Variants in MAFK observed in about 807,000 individuals in gnomAD.
MAFK encodes the protein MAF bZIP transcription factor K.
In MAFK, 1 loss-of-function variant was observed where a neutral mutation model predicts 9.2. The observed-to-expected ratio is 0.11, with a 90% CI of 0.04 to 0.52. MAFK has a LOEUF of 0.52. Ranked by LOEUF, MAFK falls within the 20% of genes least tolerant of loss-of-function variation. The pLI, the probability that MAFK is intolerant of heterozygous loss-of-function variation, is 0.94. For missense variants in MAFK, 207 were observed against 236.0 expected, an observed-to-expected ratio of 0.88 and a Z score of 0.81; for synonymous variants, 110 against 107.4, an observed-to-expected ratio of 1.02 and a Z score of -0.15.
intron 1 of MAFK, chr7:1,538,184 A>G: frequency 1.2e-6 from 1 of 804,400 alleles, no homozygotes; most frequent in Non-Finnish European, 1.5e-6. Flanking sequence ...CGGAGGGCTC[A>G]TGCCGGGGAT....
chr7:1,540,020 A>G lies in MAFK; in HGVS notation c.116A>G (p.Gln39Arg). ...LVSMSVRELN[Q>R]HLRGLTKEEV... Reference sequence around the variant, plus strand: ...TCCATGTCGGTGCGGGAGCTGAACCAGCACCTGCGGGGTCTCACCAAGGAG... The same window carrying G: ...TCCATGTCGGTGCGGGAGCTGAACCGGCACCTGCGGGGTCTCACCAAGGAG... Residue 39 changes from glutamine (Q) to arginine (R), a missense_variant, in exon 3 of 3, where the codon CAG becomes CGG. By Grantham distance (43) the Gln-to-Arg change is conservative. Transcript: ENST00000343242. 6.4e-7 allele frequency: 1 copy of G among 1,559,004 alleles called. No homozygotes were observed.
chr7:1,539,276 A>G (rs749349521), intron 2 of MAFK, 48 bp downstream of exon 2: 4 of 1,518,454 alleles, frequency 2.6e-6, no homozygotes, highest in Admixed American at 1.8e-5. Flanking sequence ...GGCGTGGGAA[A>G]GGCCCCCGGC....
In MAFK at chr7:1,539,181, C is replaced by T. The variant is rs200202267; in HGVS notation, c.-12C>T. ...TTCCAGGGAGCTCTGTCCTGGTGACCGTGCCCGGGTTATGACGACTAATCC... is the reference window on the plus strand; with the variant it reads ...TTCCAGGGAGCTCTGTCCTGGTGACTGTGCCCGGGTTATGACGACTAATCC... On this transcript the variant is annotated 5_prime_UTR_variant, in exon 2 of 3. Coordinates refer to ENST00000343242, the MANE Select transcript of MAFK (RefSeq NM_002360.4). 8.2e-5 allele frequency: 132 copies of T among 1,612,850 alleles called. 1 individual carries two copies. The African/African-American group carries it at 1.2e-3, about 15-fold the overall frequency.
chr7:1,535,085 CT>C (rs59057812), intron 1 of MAFK, among the ~76,000 whole-genome samples: 173 of 111,946 alleles, frequency 1.5e-3, no homozygotes, highest in Admixed American at 1.7e-3. Context: ...ATTTAAAATT[CT>C]TTTTTTTTTT....
chr7:1,531,798 T>C (rs556127722), intron 1 of MAFK, among the ~76,000 whole-genome samples: 314 of 152,066 alleles, frequency 2.1e-3, no homozygotes, highest in Non-Finnish European at 3.1e-3. Context: ...TGGGTCCGCC[T>C]GGGACACAGC....
rs2128552630 is a variant in MAFK at position 1,540,407 on chromosome 7, G to GGGCGGCGGGCC, written c.*42_*43insCGGCGGCGGGC. The GGGCGGCGGGCC allele has an allele frequency of 7.4e-7, 1 of 1,358,364 alleles. No individual in the cohort carries two copies. The highest frequency in any genetic ancestry group is 1.5e-5 in the African/African-American group (1 of 68,172). 84.1% of individuals were successfully genotyped at this position (1,358,364 alleles called of 1,614,324 possible). ...CCGGGGGCGGGGGGTGGCGGGCGGC[G>GGGCGGCGGGCC]GGCGGCGGGCAGGCGGGTGGGGGCA... On this transcript the variant is annotated 3_prime_UTR_variant, in exon 3 of 3. Transcript: ENST00000343242.
rs764118333 is a variant in MAFK at position 1,540,352 on chromosome 7, G to A, written c.448G>A (p.Val150Met). Residue 150 changes from valine (V) to methionine (M), a missense_variant, in exon 3 of 3, where the codon GTG (valine) becomes ATG (methionine). Transcript: ENST00000343242. ...GTCCACCGAGCTCTCCTCCACCTCCGTGCCCTTCTCGGCTGCATCCTAGTG... is the reference window on the plus strand; with the variant it reads ...GTCCACCGAGCTCTCCTCCACCTCCATGCCCTTCTCGGCTGCATCCTAGTG... ...VKSTELSSTS[V>M]PFSAAS 9.4e-6 allele frequency: 15 copies of A among 1,599,322 alleles called. No homozygotes were observed. The highest frequency in any genetic ancestry group is 3.4e-5 in the Admixed American group (2 of 59,376).
At chr7:1,536,915 G>A (rs891993682) in intron 1 of MAFK, among the ~76,000 whole-genome samples, 4 of 152,174 alleles carry the variant, frequency 2.6e-5, no homozygotes, top group Non-Finnish European at 5.9e-5. Flanking sequence ...GCAGGCTTGC[G>A]AGCACAGCGT....
chr7:1,538,256 CGGG>C, intron 1 of MAFK: 1 of 985,130 alleles, frequency 1.0e-6, no homozygotes, highest in Non-Finnish European at 1.2e-6. Context: ...GTGAGGACGG[CGGG>C]GGCGGCGGCG....
rs923378631 is a variant in MAFK at position 1,530,780 on chromosome 7, G to C, written c.-163G>C. 11 of 149,120 alleles carry C rather than the reference G, an allele frequency of 7.4e-5. No homozygotes were observed. Among genetic ancestry groups the C allele is most frequent in the African/African-American group, 2.7e-4 (11 of 41,004 alleles). The allele number at this position is 149,120 out of a possible 1,614,324, so 9.2% of individuals were successfully genotyped here. A position where few individuals can be genotyped will look rare whatever the true frequency, so the allele number is the denominator to read the frequency against. ...GGCACTTGTTGTTCTTCGCGAAGTC[G>C]GAGCCCGAGCGCCAGGCGGCGGCGG... On this transcript the variant is annotated 5_prime_UTR_variant, in exon 1 of 3. Transcript: ENST00000343242.
rs1407725984 is a variant in MAFK, at chr7:1,541,349, T to C, written c.*974T>C. ...GGTCAGTGCAGGGGGAACGAGGAGG[T>C]CTTTTGGGGGCCTGGCGAGGGGAAG... is the stretch of plus-strand genomic sequence containing the variant. On this transcript the variant is annotated 3_prime_UTR_variant, in exon 3 of 3. Coordinates refer to ENST00000343242, the MANE Select transcript of MAFK (RefSeq NM_002360.4). The C allele has an allele frequency of 6.6e-6, 1 of 150,772 alleles. No individual in the cohort carries two copies. Among genetic ancestry groups the C allele is most frequent in the Non-Finnish European group, 1.5e-5 (1 of 67,838 alleles). 9.3% of individuals were successfully genotyped at this position (150,772 alleles called of 1,614,324 possible).
rs1316066249 is a variant in MAFK, at chr7:1,531,264, C to A, written c.-45+366C>A. 2.9e-5 allele frequency among the ~76,000 whole-genome samples: 4 copies of A among 140,238 alleles called. No individual in the cohort carries two copies. The South Asian group carries it at 1.0e-3, about 36-fold the overall frequency. 92.0% of individuals were successfully genotyped at this position (140,238 alleles called of 152,430 possible). A position where few individuals can be genotyped will look rare whatever the true frequency, so the allele number is the denominator to read the frequency against. On this transcript the variant is annotated intron_variant, in intron 1 of 2. Transcript: ENST00000343242. ...CCCGCGCCTTCACACCTGCGGGGGG[C>A]GGGGCGGGGCGGGCGCCACGTGCGG...
In MAFK at chr7:1,540,754, G is replaced by A. The variant is rs755890707; in HGVS notation, c.*379G>A. The A allele has an allele frequency of 3.1e-5, 7 of 226,538 alleles. No homozygotes were observed. Among genetic ancestry groups the A allele is most frequent in the Non-Finnish European group, 5.2e-5 (6 of 116,100 alleles). 14.0% of individuals were successfully genotyped at this position (226,538 alleles called of 1,614,324 possible). On this transcript the variant is annotated 3_prime_UTR_variant, in exon 3 of 3. Transcript: ENST00000343242. ...CCAGGAGTCAGGCCCCTGTGGTCAG[G>A]TCTAGCATGGGGCTTGTTTTCCACT... is the stretch of plus-strand genomic sequence containing the variant.
chr7:1,539,036 G>A (rs1784108325), intron 1 of MAFK, 113 bp from the exon 2 acceptor site: 5 of 798,904 alleles, frequency 6.3e-6, no homozygotes, highest in Non-Finnish European at 1.1e-5. Flanking sequence ...TTTTCATGGT[G>A]CTGTGACTGT....
chr7:1,537,620 A>G (rs1335988058), intron 1 of MAFK: 59 of 985,514 alleles, frequency 6.0e-5, no homozygotes, highest in Non-Finnish European at 6.7e-5. Flanking sequence ...ATCCTGTGCC[A>G]TCTACGTCAG....
chr7:1,537,671 G>A (rs985437024), intron 1 of MAFK: 27 of 985,542 alleles, frequency 2.7e-5, no homozygotes, highest in Middle Eastern at 5.2e-4. Context: ...CAGCGGACTC[G>A]GCAGCCTGGC....
chr7:1,540,697 G>A lies in MAFK; in HGVS notation c.*322G>A, dbSNP rs1329182737. On this transcript the variant is annotated 3_prime_UTR_variant, in exon 3 of 3. Transcript: ENST00000343242. The stretch of plus-strand genomic sequence containing the variant: ...TGGAAAGGCCCTCGGGAAGTTCCGC[G>A]TCCTCTGTGGGGGCTGCCGGAAGAC... The A allele has an allele frequency of 7.6e-5, 25 of 327,872 alleles. No homozygotes were observed. The highest frequency in any genetic ancestry group is 1.0e-4 in the Non-Finnish European group (18 of 177,444). 20.3% of individuals were successfully genotyped at this position (327,872 alleles called of 1,614,324 possible). A position where few individuals can be genotyped will look rare whatever the true frequency, so the allele number is the denominator to read the frequency against.
At position 1,540,788 on chromosome 7, in the gene MAFK, A is replaced by G. The variant is rs779145453; in HGVS notation, c.*413A>G. 1.3e-4 allele frequency: 23 copies of G among 179,030 alleles called. No homozygotes were observed. Among genetic ancestry groups the G allele is most frequent in the Non-Finnish European group, 2.3e-4 (20 of 86,362 alleles). 11.1% of individuals were successfully genotyped at this position (179,030 alleles called of 1,614,324 possible). ...GGGGCTTGTTTTCCACTCCTGCTGTAAGCAGCCTTCGACACCTGTCCTGCC... is the reference window on the plus strand; with the variant it reads ...GGGGCTTGTTTTCCACTCCTGCTGTGAGCAGCCTTCGACACCTGTCCTGCC... On this transcript the variant is annotated 3_prime_UTR_variant, in exon 3 of 3. Transcript: ENST00000343242.
rs759599441 is a variant in MAFK, at chr7:1,534,138, G to C, written c.-45+3240G>C. The C allele has an allele frequency of 2.3e-6, 1 of 432,536 alleles. No homozygotes were observed. Among genetic ancestry groups the C allele is most frequent in the Non-Finnish European group, 4.8e-6 (1 of 210,008 alleles). 26.8% of individuals were successfully genotyped at this position (432,536 alleles called of 1,614,324 possible). ...CAGGGCCAGGCTGCTGGCTGGTATG[G>C]GCCGGGCTGCGGGGTGCCAAGTGGG... On this transcript the variant is annotated intron_variant, in intron 1 of 2. Coordinates refer to ENST00000343242, the MANE Select transcript of MAFK (RefSeq NM_002360.4). The surrounding 1 kb of genome is among the most constrained non-coding windows in gnomAD (Gnocchi z 4.3).
Sources: gnomAD v4.1 joint callset for allele counts (sites outside exome capture counted in the v4.1 genomes callset) on GRCh38, gnomAD v4.1.1 for gene constraint, Gnocchi (gnomAD v3.1) non-coding constraint, MANE v1.5 for transcripts, NCBI Gene and HGNC (gene_info 2026-07-23, HGNC 2026-07-21) for gene names.